FIRRM: variants seen among roughly 807,000 people sequenced by gnomAD.
FIRRM encodes the protein FIGNL1-interacting regulator of recombination and mitosis.
At chr1:169,825,879 T>C in the FIRRM span, among the ~76,000 whole-genome samples, 1 of 152,190 alleles carries the variant, frequency 6.6e-6, no homozygotes, top group South Asian at 2.1e-4. Flanking sequence ...TGGCAAAAAA[T>C]ATAGAATACA....
the FIRRM span, among the ~76,000 whole-genome samples, chr1:169,828,609 C>T: frequency 6.6e-6 from 1 of 151,916 alleles, no homozygotes; most frequent in African/African-American, 2.4e-5. Flanking sequence ...AGTGCAGTGG[C>T]ATGACCATGG....
At chr1:169,830,419 C>CT in the FIRRM span, 1 of 1,278,898 alleles carries the variant, frequency 7.8e-7, no homozygotes, top group African/African-American at 1.5e-5. Context: ...TAATTGTAAG[C>CT]TTATAGAAAA....
chr1:169,794,899 C>A, the FIRRM span: 4 of 568,850 alleles, frequency 7.0e-6, no homozygotes, highest in African/African-American at 5.6e-5. Context: ...ACCTAAATCG[C>A]GCACCAGTGA....
At chr1:169,847,613 C>A in the FIRRM span, 2 of 1,066,408 alleles carry the variant, frequency 1.9e-6, no homozygotes, top group South Asian at 1.5e-5. Context: ...CATTTCCATC[C>A]AAATCTTAGG....
the FIRRM span, chr1:169,801,025 A>C: frequency 1.1e-6 from 1 of 880,808 alleles, no homozygotes; most frequent in South Asian, 1.6e-5. Context: ...CCTCAGTCTT[A>C]GATGATTTAT....
chr1:169,792,827 A>G, the FIRRM span: 1 of 1,613,892 alleles, frequency 6.2e-7, no homozygotes, highest in South Asian at 1.1e-5. Flanking sequence ...TGAGGTGAGA[A>G]TGAGATCATA....
chr1:169,800,114 G>A, the FIRRM span, among the ~76,000 whole-genome samples: 2 of 152,164 alleles, frequency 1.3e-5, no homozygotes, highest in African/African-American at 2.4e-5. Context: ...GCTCACTGCA[G>A]CCTCCATCTC....
the FIRRM span, among the ~76,000 whole-genome samples, chr1:169,788,882 C>G: frequency 0.17 from 25,807 of 152,138 alleles, 2,263 homozygotes; most frequent in South Asian, 0.27. Context: ...ACAGAAATAG[C>G]ATTTTTGTTA....
the FIRRM span, chr1:169,853,412 TGGAAAAAGCA>T: frequency 2.6e-6 from 1 of 381,562 alleles, no homozygotes; most frequent in Non-Finnish European, 4.7e-6. Context: ...AGAATTGTCC[TGGAAAAAGCA>T]GTAAATTCGA....
chr1:169,811,928 A>G, the FIRRM span, among the ~76,000 whole-genome samples: 1 of 149,660 alleles, frequency 6.7e-6, no homozygotes, highest in Non-Finnish European at 1.5e-5. Flanking sequence ...GTCTAGATAG[A>G]TAGAAACAAA....
At chr1:169,847,672 T>C in the FIRRM span, 1 of 1,530,130 alleles carries the variant, frequency 6.5e-7, no homozygotes, top group Non-Finnish European at 9.1e-7. Context: ...AACTGTTCTT[T>C]GGTCTTCACC....
At chr1:169,847,725 G>C in the FIRRM span, 1 of 1,613,522 alleles carries the variant, frequency 6.2e-7, no homozygotes, top group Non-Finnish European at 8.5e-7. Flanking sequence ...TTAAATTAGA[G>C]CTTCCTGACT....
At chr1:169,849,546 C>T in the FIRRM span, 2 of 1,614,036 alleles carry the variant, frequency 1.2e-6, no homozygotes, top group Non-Finnish European at 8.5e-7. Flanking sequence ...TTACTGCTAG[C>T]TGACAGGAGT....
chr1:169,853,994 A>AAATC, the FIRRM span: 1 of 614,636 alleles, frequency 1.6e-6, no homozygotes, highest in African/African-American at 1.9e-5. Context: ...AATCCAGTAA[A>AAATC]AATCAGTGTG....
At chr1:169,823,263 AG>A in the FIRRM span, 4 of 475,948 alleles carry the variant, frequency 8.4e-6, no homozygotes, top group Non-Finnish European at 1.1e-5. Flanking sequence ...AAAAAAAAAA[AG>A]AAAAGAAAAG....
At chr1:169,842,305 T>C in the FIRRM span, 29 of 1,004,656 alleles carry the variant, frequency 2.9e-5, no homozygotes, top group Non-Finnish European at 1.7e-5. Context: ...TTATTCTACA[T>C]GGACTTTATG....
At chr1:169,785,877 T>G in the FIRRM span, among the ~76,000 whole-genome samples, 245 of 152,320 alleles carry the variant, frequency 1.6e-3, 1 homozygote, top group African/African-American at 5.6e-3. Flanking sequence ...TTTAGACCAA[T>G]TATGGGTAAA....
chr1:169,796,731 T>C, the FIRRM span, among the ~76,000 whole-genome samples: 1 of 152,238 alleles, frequency 6.6e-6, no homozygotes, highest in African/African-American at 2.4e-5. Context: ...CCACTTTACC[T>C]TCAAGGTTCC....
chr1:169,802,721 T>C, the FIRRM span: 2 of 1,594,050 alleles, frequency 1.3e-6, no homozygotes, highest in Non-Finnish European at 1.7e-6. Context: ...AGGAATATTT[T>C]ACAAGTAAGT....
Sources: gnomAD v4.1 joint callset for allele counts (sites outside exome capture counted in the v4.1 genomes callset) on GRCh38, gnomAD v4.1.1 for gene constraint, MANE v1.5 for transcripts, NCBI Gene and HGNC (gene_info 2026-07-23, HGNC 2026-07-21) for gene names.